The following ETV6 variants were observed in gnomAD, a reference collection of about 807,000 sequenced individuals.
The protein encoded by ETV6 is ETS variant transcription factor 6, also known as transcription factor ETV6.
In ETV6, 16 loss-of-function variants were observed where a neutral mutation model predicts 51.1. The ratio of observed to expected loss-of-function variants is 0.31; its 90% CI spans 0.21 to 0.48. The LOEUF (loss-of-function observed/expected upper bound fraction) is 0.48. Ranked by LOEUF, ETV6 falls within the 20% of genes least tolerant of loss-of-function variation. ETV6 has a pLI of 0.99. For missense variants in ETV6, 458 were observed against 594.8 expected, an observed-to-expected ratio of 0.77 and a Z score of 2.39; for synonymous variants, 240 against 224.1, an observed-to-expected ratio of 1.07 and a Z score of -0.64.
At chr12:11,804,241 G>A (rs1178368984) in intron 2 of ETV6, among the ~76,000 whole-genome samples, 1 of 152,176 alleles carries the variant, frequency 6.6e-6, no homozygotes, top group Non-Finnish European at 1.5e-5. Context: ...ACTAGCCAGA[G>A]AGCACATTGC....
chr12:11,817,748 G>A (rs1022360149), intron 2 of ETV6, among the ~76,000 whole-genome samples: 3 of 152,152 alleles, frequency 2.0e-5, no homozygotes, highest in Non-Finnish European at 4.4e-5. Context: ...AATGGGTTCT[G>A]TGGGGAGTAC....
In ETV6 at chr12:11,832,733, G is replaced by A. The variant is rs118017952; in HGVS notation, c.164-6407G>A. 1.4e-3 allele frequency among the ~76,000 whole-genome samples: 208 copies of A among 152,340 alleles called. 1 individual carries two copies. The highest frequency in any genetic ancestry group is 2.0e-3 in the Non-Finnish European group (135 of 68,030). On this transcript the variant is annotated intron_variant, in intron 2 of 7. Coordinates refer to ENST00000396373, the MANE Select transcript of ETV6 (RefSeq NM_001987.5). Reference sequence around the variant, plus strand: ...CTGTATTTCAGGATATCAGGAAGGCGTTTCGTTGAATTTCTGATGTTGCTT... The same window carrying A: ...CTGTATTTCAGGATATCAGGAAGGCATTTCGTTGAATTTCTGATGTTGCTT...
intron 2 of ETV6, among the ~76,000 whole-genome samples, chr12:11,761,720 C>T (rs117600911): frequency 4.6e-5 from 7 of 152,322 alleles, no homozygotes; most frequent in East Asian, 1.9e-4. Context: ...TCTGGTTCTA[C>T]GTGGCTGATT....
At chr12:11,796,779 T>TTGTG (rs1555132566) in intron 2 of ETV6, among the ~76,000 whole-genome samples, 6 of 141,024 alleles carry the variant, frequency 4.3e-5, no homozygotes, top group Non-Finnish European at 6.2e-5. Context: ...TTTTTTTTTT[T>TTGTG]TGTGTGTGTG....
At chr12:11,741,993 A>C (rs1461651825) in intron 1 of ETV6, among the ~76,000 whole-genome samples, 1 of 152,230 alleles carries the variant, frequency 6.6e-6, no homozygotes, top group East Asian at 1.9e-4. Flanking sequence ...ATACACAGAT[A>C]ATAGCCAGAA....
chr12:11,725,676 A>T lies in ETV6; in HGVS notation c.34-26774A>T, dbSNP rs573385600. ...CAAGGTGTGTGGGTCATGGAAGTGGATCCCTCTTGAGTAGATTGCTGCCCT... is the reference window on the plus strand; with the variant it reads ...CAAGGTGTGTGGGTCATGGAAGTGGTTCCCTCTTGAGTAGATTGCTGCCCT... On this transcript the variant is annotated intron_variant, in intron 1 of 7. Coordinates refer to ENST00000396373, the MANE Select transcript of ETV6 (RefSeq NM_001987.5). 1.9e-4 allele frequency among the ~76,000 whole-genome samples: 29 copies of T among 152,228 alleles called. 1 individual carries two copies. In the South Asian group the frequency reaches 4.8e-3, roughly 25 times the overall value.
chr12:11,843,386 A>T (rs1946417585), intron 3 of ETV6, among the ~76,000 whole-genome samples: 2 of 152,162 alleles, frequency 1.3e-5, no homozygotes, highest in Non-Finnish European at 2.9e-5. Flanking sequence ...GGTGTAGTGA[A>T]AGTCCTCAGG....
intron 2 of ETV6, among the ~76,000 whole-genome samples, chr12:11,796,317 G>A (rs1338584288): frequency 6.6e-6 from 1 of 152,108 alleles, no homozygotes; most frequent in Non-Finnish European, 1.5e-5. Flanking sequence ...TCTGGTCCTC[G>A]GCCAAGATTC....
intron 1 of ETV6, among the ~76,000 whole-genome samples, chr12:11,743,445 C>G (rs1280664835): frequency 6.6e-6 from 1 of 152,142 alleles, no homozygotes; most frequent in Non-Finnish European, 1.5e-5. Flanking sequence ...GTAACCCAGC[C>G]TTCTTCCTTA....
At chr12:11,690,910 A>AT (rs1555114896) in intron 1 of ETV6, among the ~76,000 whole-genome samples, 4 of 150,326 alleles carry the variant, frequency 2.7e-5, no homozygotes, top group Admixed American at 2.6e-4. Flanking sequence ...AAATAAATAA[A>AT]ATTATATAAA....
At chr12:11,781,707 T>C (rs1196089181) in intron 2 of ETV6, among the ~76,000 whole-genome samples, 1 of 152,254 alleles carries the variant, frequency 6.6e-6, no homozygotes, top group African/African-American at 2.4e-5. Flanking sequence ...TGTGGATTTT[T>C]TAAACTTAAA....
At chr12:11,768,981 G>A in intron 2 of ETV6, 1 of 476,548 alleles carries the variant, frequency 2.1e-6, no homozygotes, top group Non-Finnish European at 4.2e-6. Flanking sequence ...AGGATTGATT[G>A]AAGAACCCGT....
chr12:11,875,985 C>T (rs1189423672), intron 5 of ETV6, among the ~76,000 whole-genome samples: 6 of 152,162 alleles, frequency 3.9e-5, no homozygotes, highest in Non-Finnish European at 7.3e-5. Context: ...TGCCTTGCAA[C>T]ATTGTGTACG....
chr12:11,778,348 T>G (rs970183099), intron 2 of ETV6, among the ~76,000 whole-genome samples: 1 of 152,218 alleles, frequency 6.6e-6, no homozygotes, highest in African/African-American at 2.4e-5. Context: ...AATATAGCCC[T>G]GTCTGTTGTG....
At chr12:11,799,516 C>T (rs984868436) in intron 2 of ETV6, among the ~76,000 whole-genome samples, 3 of 152,126 alleles carry the variant, frequency 2.0e-5, no homozygotes, top group Non-Finnish European at 2.9e-5. Flanking sequence ...GAGGAGAACC[C>T]GTGGCTCTTT....
chr12:11,861,924 A>G (rs768476554), intron 4 of ETV6, among the ~76,000 whole-genome samples: 1 of 152,148 alleles, frequency 6.6e-6, no homozygotes, highest in Non-Finnish European at 1.5e-5. Context: ...GTGCTGCTTT[A>G]TGGAGACAAA....
intron 1 of ETV6, among the ~76,000 whole-genome samples, chr12:11,699,209 T>G (rs147573958): frequency 2.6e-5 from 4 of 152,328 alleles, no homozygotes; most frequent in Admixed American, 6.5e-5. Context: ...TCTGAAGACA[T>G]CTAGGATAAA....
At chr12:11,652,120 C>T (rs1863917901) in intron 1 of ETV6, among the ~76,000 whole-genome samples, 1 of 152,142 alleles carries the variant, frequency 6.6e-6, no homozygotes, top group Non-Finnish European at 1.5e-5. Flanking sequence ...TTCAGGGTGC[C>T]TCTTTTCATT....
At position 11,892,197 on chromosome 12, in the gene ETV6, A is replaced by T; in HGVS notation, c.*1151A>T. ...CAAAGGCCATCTTGTGGTCAGTTTC[A>T]TGCCCTCACCTGATTTTTTTTTTTT... On this transcript the variant is annotated 3_prime_UTR_variant, in exon 8 of 8. Coordinates refer to ENST00000396373, the MANE Select transcript of ETV6 (RefSeq NM_001987.5). 1 of 221,194 alleles carries T rather than the reference A, an allele frequency of 4.5e-6. No homozygotes were observed. The highest frequency in any genetic ancestry group is 8.6e-6 in the Non-Finnish European group (1 of 116,128). The allele number at this position is 221,194 out of a possible 1,614,324, so 13.7% of individuals were successfully genotyped here. A position where few individuals can be genotyped will look rare whatever the true frequency, so the allele number is the denominator to read the frequency against.
Sources: allele counts gnomAD v4.1 joint callset (sites outside exome capture counted in the v4.1 genomes callset), GRCh38; gene constraint gnomAD v4.1.1; transcripts MANE v1.5; gene names NCBI Gene and HGNC (gene_info 2026-07-23, HGNC 2026-07-21).